The following FCGRT variants were observed in gnomAD, a reference collection of about 807,000 sequenced individuals.
The protein encoded by FCGRT is IgG receptor FcRn large subunit p51.
Under a neutral mutation model 35.7 loss-of-function variants are expected in FCGRT, and 13 were observed. That is an observed-to-expected ratio of 0.36 (90% CI 0.24 to 0.58). The LOEUF (loss-of-function observed/expected upper bound fraction) is 0.58, where lower values mean the gene tolerates loss of function less well. FCGRT is among the 20% of genes least tolerant of loss of function. FCGRT has a pLI of 0.77. For missense variants in FCGRT, 455 were observed against 474.9 expected (o/e 0.96, Z 0.39); for synonymous variants, 233 against 216.5 (o/e 1.08, Z -0.67).
intron 4 of FCGRT, 35 bp downstream of exon 4, chr19:49,514,521 C>T: frequency 6.6e-7 from 1 of 1,513,130 alleles, no homozygotes; most frequent in Non-Finnish European, 8.8e-7. Context: ...CTGTTCTGTC[C>T]TCTCTCCCGT....
At chr19:49,520,831 C>T (rs1163664758) in intron 4 of FCGRT, 3 of 152,252 alleles carry the variant, frequency 2.0e-5, no homozygotes, top group East Asian at 1.9e-4. Flanking sequence ...GCCGTCAGCC[C>T]GGTCCCTCCA....
intron 6 of FCGRT, 64 bp downstream of exon 6, chr19:49,525,637 A>G: frequency 8.7e-7 from 1 of 1,149,584 alleles, no homozygotes; most frequent in Admixed American, 1.8e-5. Flanking sequence ...AGGGGCACAC[A>G]GACCTGGGAG....
At chr19:49,516,198 A>C (rs17304975) in intron 4 of FCGRT, 1 of 444,210 alleles carries the variant, frequency 2.3e-6, no homozygotes, top group Non-Finnish European at 4.5e-6. Flanking sequence ...AGACTCAACC[A>C]GGTAGTTTTT....
At position 49,525,579 on chromosome 19, in the gene FCGRT, G is replaced by A. The variant is rs757155105; in HGVS notation, c.988+6G>A. 8.2e-6 allele frequency: 13 copies of A among 1,591,796 alleles called. No individual in the cohort carries two copies. The highest frequency in any genetic ancestry group is 2.7e-5 in the African/African-American group (2 of 74,476). On this transcript the variant is annotated splice_donor_region_variant and intron_variant, in intron 6 of 6. Transcript: ENST00000221466. ...GATGAGGAGTGGGCTGCCAGGTGGG[G>A]GGCAGCGGGAGGAAGAGCCTCTGAG...
chr19:49,515,920 G>A (rs1193144845), intron 4 of FCGRT, among the ~76,000 whole-genome samples: 1 of 152,140 alleles, frequency 6.6e-6, no homozygotes, highest in Non-Finnish European at 1.5e-5. Context: ...TATTCTTCAA[G>A]GTCAGGGCTG....
At chr19:49,522,838 C>T (rs142904778) in intron 4 of FCGRT, among the ~76,000 whole-genome samples, 2,300 of 130,182 alleles carry the variant, frequency 0.018, 69 homozygotes, top group African/African-American at 0.063. Flanking sequence ...AGTGCAGTGG[C>T]GCAATCTCGG....
At chr19:49,517,727 C>T (rs1348586778) in intron 4 of FCGRT, among the ~76,000 whole-genome samples, 2 of 152,116 alleles carry the variant, frequency 1.3e-5, no homozygotes, top group Admixed American at 6.6e-5. Flanking sequence ...GATGGAGTCT[C>T]ACTCTGTCAT....
At chr19:49,521,396 CCT>C (rs984371710) in intron 4 of FCGRT, among the ~76,000 whole-genome samples, 4 of 151,920 alleles carry the variant, frequency 2.6e-5, no homozygotes, top group African/African-American at 4.8e-5. Flanking sequence ...ATGGTGAAAC[CCT>C]GTTTCTACTA....
intron 4 of FCGRT, among the ~76,000 whole-genome samples, chr19:49,524,123 A>G (rs908797006): frequency 6.0e-5 from 9 of 151,248 alleles, no homozygotes; most frequent in Admixed American, 1.3e-4. Flanking sequence ...GGTTCAAGCA[A>G]TTCTCCTGCC....
intron 4 of FCGRT, chr19:49,520,739 C>T (rs931946437): frequency 7.9e-5 from 12 of 152,246 alleles, no homozygotes; most frequent in Admixed American, 6.5e-5. Flanking sequence ...GCTGAAGGCA[C>T]GTGGCTGTGA....
chr19:49,523,523 G>A (rs960921078), intron 4 of FCGRT, among the ~76,000 whole-genome samples: 1 of 152,058 alleles, frequency 6.6e-6, no homozygotes, highest in Non-Finnish European at 1.5e-5. Context: ...AGTCGAGATC[G>A]TGCCACTGCA....
rs2080004399 is a variant in FCGRT at position 49,515,857 on chromosome 19, TG to T, written c.601+1373del. On this transcript the variant is annotated intron_variant, in intron 4 of 6. Transcript: ENST00000221466. ...GGGCATTTGCTCATCCAGTTTCCCCTGGCACCTCTCTGTTCCACCCTTCCCC... is the reference window on the plus strand; with the variant it reads ...GGGCATTTGCTCATCCAGTTTCCCCTGCACCTCTCTGTTCCACCCTTCCCC... Among the ~76,000 whole-genome samples the T allele has an allele frequency of 3.9e-5, 6 of 152,292 alleles. No homozygotes were observed. The South Asian group carries it at 1.2e-3, about 32-fold the overall frequency.
chr19:49,518,382 T>TTTTTA (rs2080021107), intron 4 of FCGRT, among the ~76,000 whole-genome samples: 1 of 149,944 alleles, frequency 6.7e-6, no homozygotes. Flanking sequence ...TTTTTTCCTT[T>TTTTTA]TTGAGACAGG....
chr19:49,525,640 C>T, intron 6 of FCGRT, 67 bp downstream of exon 6: 3 of 1,119,488 alleles, frequency 2.7e-6, no homozygotes, highest in Non-Finnish European at 4.0e-6. Context: ...GGCACACAGA[C>T]CTGGGAGGAC....
chr19:49,523,886 T>C (rs1181795579), intron 4 of FCGRT, among the ~76,000 whole-genome samples: 3 of 151,832 alleles, frequency 2.0e-5, no homozygotes, highest in African/African-American at 4.8e-5. Flanking sequence ...TTTAAATAGT[T>C]ATAGGACTAC....
intron 4 of FCGRT, chr19:49,515,293 A>AT (rs556888166): frequency 1.8e-4 from 26 of 147,518 alleles, no homozygotes; most frequent in Non-Finnish European, 2.6e-4. Flanking sequence ...TAACTGGCTA[A>AT]TTTTTTTTTT....
intron 5 of FCGRT, 44 bp downstream of exon 5, chr19:49,524,820 T>G (rs761712157): frequency 1.3e-6 from 2 of 1,566,276 alleles, no homozygotes; most frequent in African/African-American, 2.7e-5. Context: ...TCCCGTTGCC[T>G]TGTCTCACTG....
Position 49,525,556 on chromosome 19 carries a change from TGAG to T in FCGRT, c.975_977del (p.Arg325del), listed in dbSNP as rs773899345. On this transcript the variant is annotated inframe_deletion, in exon 6 of 7. Coordinates refer to ENST00000221466, the MANE Select transcript of FCGRT (RefSeq NM_001136019.3). ...GGAGGAGCTCTGTTGTGGAGAAGGATGAGGAGTGGGCTGCCAGGTGGGGGGCAG... is the reference window on the plus strand; with the variant it reads ...GGAGGAGCTCTGTTGTGGAGAAGGATGAGTGGGCTGCCAGGTGGGGGGCAG... 14 of 1,611,292 alleles carry T rather than the reference TGAG, an allele frequency of 8.7e-6. No individual in the cohort carries two copies. The highest frequency in any genetic ancestry group is 1.1e-5 in the Non-Finnish European group (13 of 1,178,858).
Position 49,512,697 on chromosome 19 carries a change from G to T in FCGRT, c.-68G>T. ...GAGGAACTGGGGTCTCCAGTCACGG[G>T]AGCCAGGAGCCGGCCAGGGCCGCAG... is the stretch of plus-strand genomic sequence containing the variant. On this transcript the variant is annotated 5_prime_UTR_variant, in exon 1 of 7. Coordinates refer to ENST00000221466, the MANE Select transcript of FCGRT (RefSeq NM_001136019.3). 6.4e-6 allele frequency: 1 copy of T among 155,318 alleles called. No individual in the cohort carries two copies. Among genetic ancestry groups the T allele is most frequent in the South Asian group, 1.6e-4 (1 of 6,070 alleles). The allele number at this position is 155,318 out of a possible 1,614,324, so 9.6% of individuals were successfully genotyped here.
Sources: allele counts gnomAD v4.1 joint callset (sites outside exome capture counted in the v4.1 genomes callset), GRCh38; gene constraint gnomAD v4.1.1; transcripts MANE v1.5; gene names NCBI Gene and HGNC (gene_info 2026-07-23, HGNC 2026-07-21).